Variants in SLC39A12 observed in about 807,000 individuals in gnomAD.
SLC39A12 encodes zinc transporter ZIP12.
In SLC39A12, 63 loss-of-function variants were observed where a neutral mutation model predicts 71.1. The ratio of observed to expected loss-of-function variants is 0.89; its 90% confidence interval spans 0.72 to 1.09. The LOEUF is 1.09. Among genes scored for constraint, SLC39A12 ranks in the 50% least tolerant of loss-of-function variants. The probability of loss-of-function intolerance (pLI) is 0.00; values close to 1 mark genes in which losing one functional copy is unlikely to be tolerated. For missense variants in SLC39A12, 892 were observed against 812.6 expected (o/e 1.10, Z -1.19); for synonymous variants, 351 against 301.3 (o/e 1.16, Z -1.71).
chr10:17,991,141 T>TTTTC lies in SLC39A12; in HGVS notation c.1270-10_1270-9insTTTC, dbSNP rs1554851668. ...TCTCTCTGCCTTTTTTTTTTTTTTT[T>TTTTC]CCCCTGAAGGTTCTTGGTTTACATA... On this transcript the variant is annotated splice_polypyrimidine_tract_variant and intron_variant, in intron 7 of 12. Transcript: ENST00000377369. The TTTTC allele has an allele frequency of 1.1e-5, 17 of 1,522,492 alleles. No individual in the cohort carries two copies. The highest frequency in any genetic ancestry group is 6.7e-5 in the South Asian group (5 of 74,496). The allele number at this position is 1,522,492 out of a possible 1,614,324, so 94.3% of individuals were successfully genotyped here.
chr10:17,979,592 A>G lies in SLC39A12; in HGVS notation c.924+1518A>G, dbSNP rs11011839. Among the ~76,000 whole-genome samples the G allele has an allele frequency of 2.0e-3, 308 of 152,314 alleles. 3 individuals carry two copies. Among genetic ancestry groups the G allele is most frequent in the South Asian group, 3.5e-3 (17 of 4,832 alleles). ...TCAATAACAAGTGGTGCAAAAGAGA[A>G]TCTTGTCTTTGGCATACATTATTTT... On this transcript the variant is annotated intron_variant, in intron 5 of 12. Coordinates refer to ENST00000377369, the MANE Select transcript of SLC39A12 (RefSeq NM_001145195.2).
chr10:18,002,577 C>CA (rs1159524375), intron 11 of SLC39A12: 3 of 152,122 alleles, frequency 2.0e-5, no homozygotes, highest in Non-Finnish European at 2.9e-5. Context: ...CTCAATCCCC[C>CA]AAACTAAGAA....
intron 10 of SLC39A12, among the ~76,000 whole-genome samples, chr10:17,997,481 T>C (rs12262999): frequency 0.049 from 7,525 of 152,240 alleles, 570 homozygotes; most frequent in African/African-American, 0.17. Context: ...ACATAGTAGG[T>C]CTGCAATAGA....
At chr10:18,027,511 AC>A (rs1422027205) in intron 12 of SLC39A12, among the ~76,000 whole-genome samples, 1 of 152,208 alleles carries the variant, frequency 6.6e-6, no homozygotes, top group Non-Finnish European at 1.5e-5. Flanking sequence ...GGTAAAACTC[AC>A]AAAATCTGGG....
At chr10:18,018,772 G>A (rs550313811) in intron 12 of SLC39A12, among the ~76,000 whole-genome samples, 1 of 152,068 alleles carries the variant, frequency 6.6e-6, no homozygotes, top group Non-Finnish European at 1.5e-5. Context: ...TGTTGGTTTT[G>A]ATTTGCCAAT....
chr10:17,998,184 G>T (rs948009881), intron 10 of SLC39A12, among the ~76,000 whole-genome samples: 2 of 152,078 alleles, frequency 1.3e-5, no homozygotes, highest in African/African-American at 4.8e-5. Flanking sequence ...TGGCTTACAT[G>T]CAAATGTTTA....
At chr10:18,036,002 G>T (rs527317767) in intron 12 of SLC39A12, among the ~76,000 whole-genome samples, 1 of 152,084 alleles carries the variant, frequency 6.6e-6, no homozygotes, top group Non-Finnish European at 1.5e-5. Flanking sequence ...GCAGTCTGCC[G>T]GTTCTCAGAT....
Position 17,961,590 on chromosome 10 carries a change from C to T in SLC39A12, c.271C>T (p.Pro91Ser). The change falls in exon 3 of 13, where the codon CCA (proline) becomes TCA (serine). Residue 91 changes from proline to serine, a missense_variant. Transcript: ENST00000377369. Reference protein sequence around the residue: ...MQGDCNLCFEPDALLLIAGGN... With the variant: ...MQGDCNLCFESDALLLIAGGN... ...TTGTTTTCTTCCACAGTGCTTTGAA[C>T]CAGATGCACTATTACTAATAGCTGG... is the stretch of plus-strand genomic sequence containing the variant. 1 of 1,610,384 alleles carries T rather than the reference C, an allele frequency of 6.2e-7. No homozygotes were observed. The highest frequency in any genetic ancestry group is 8.5e-7 in the Non-Finnish European group (1 of 1,179,004).
chr10:17,998,334 A>G (rs1456345418), intron 10 of SLC39A12, among the ~76,000 whole-genome samples: 1 of 152,236 alleles, frequency 6.6e-6, no homozygotes, highest in Non-Finnish European at 1.5e-5. Context: ...TTTGGAATAT[A>G]TGCTATTAAT....
In SLC39A12 at chr10:18,003,330, T is replaced by G; in HGVS notation, c.1919T>G (p.Met640Arg). Residue 640 changes from methionine (M) to arginine (R), a missense_variant, in exon 12 of 13, where the codon ATG becomes AGG. Met to Arg is a moderately conservative substitution (Grantham distance 91). Coordinates refer to ENST00000377369, the MANE Select transcript of SLC39A12 (RefSeq NM_001145195.2). ...TGGATCTTCACAGTCACTGCTGGGA[T>G]GTTCTTATATTTATCCTTGGTTGAA... ...QDWIFTVTAG[M>R]FLYLSLVEML... The G allele has an allele frequency of 1.2e-6, 2 of 1,610,310 alleles. No individual in the cohort carries two copies. The highest frequency in any genetic ancestry group is 1.7e-6 in the Non-Finnish European group (2 of 1,178,780).
intron 12 of SLC39A12, among the ~76,000 whole-genome samples, chr10:18,019,371 T>C (rs924488102): frequency 5.9e-5 from 9 of 152,040 alleles, no homozygotes; most frequent in African/African-American, 2.2e-4. Flanking sequence ...TCTGTATTGA[T>C]TAACTGATTT....
At chr10:18,029,520 G>T (rs1836777436) in intron 12 of SLC39A12, among the ~76,000 whole-genome samples, 1 of 152,164 alleles carries the variant, frequency 6.6e-6, no homozygotes, top group South Asian at 2.1e-4. Flanking sequence ...CTACTTCAAG[G>T]TTTCCAAGTT....
At chr10:17,992,616 A>C (rs1026994469) in intron 8 of SLC39A12, among the ~76,000 whole-genome samples, 19 of 152,242 alleles carry the variant, frequency 1.2e-4, no homozygotes, top group African/African-American at 4.3e-4. Flanking sequence ...TGGGAAAACT[A>C]AATTAGAAAG....
In SLC39A12 at chr10:18,027,113, G is replaced by A. The variant is rs997344316; in HGVS notation, c.1948-15592G>A. On this transcript the variant is annotated intron_variant, in intron 12 of 12. Transcript: ENST00000377369. ...CATGTTGTACTGAGTGAACAGAATT[G>A]TGCTAAATAGGCCATTAGTAATGTG... is the stretch of plus-strand genomic sequence containing the variant. Among the ~76,000 whole-genome samples, 107 of 152,198 alleles carry A rather than the reference G, an allele frequency of 7.0e-4. 1 individual carries two copies. The highest frequency in any genetic ancestry group is 1.3e-4 in the Non-Finnish European group (9 of 68,042).
chr10:17,988,559 ATTTC>A (rs746727169), intron 7 of SLC39A12, among the ~76,000 whole-genome samples: 3 of 152,100 alleles, frequency 2.0e-5, no homozygotes, highest in Admixed American at 1.3e-4. Context: ...AGCCTCAGAT[ATTTC>A]TTTATAGCAA....
intron 8 of SLC39A12, among the ~76,000 whole-genome samples, chr10:17,991,853 C>A (rs1232646309): frequency 6.6e-6 from 1 of 151,950 alleles, no homozygotes; most frequent in Non-Finnish European, 1.5e-5. Context: ...CTTTGGGAGG[C>A]CGAGGCAGGC....
At position 17,952,033 on chromosome 10, in the gene SLC39A12, C is replaced by T. The variant is rs1834412689; in HGVS notation, c.-87+8C>T. ...TTTATCTTTCTTCTGAAGGTAAGCACTGGGGTTAGAAATGCTTGCATCATC... is the reference window on the plus strand; with the variant it reads ...TTTATCTTTCTTCTGAAGGTAAGCATTGGGGTTAGAAATGCTTGCATCATC... On this transcript the variant is annotated splice_region_variant and intron_variant, in intron 1 of 12. Coordinates refer to ENST00000377369, the MANE Select transcript of SLC39A12 (RefSeq NM_001145195.2). 1 of 150,672 alleles carries T rather than the reference C, an allele frequency of 6.6e-6. No individual in the cohort carries two copies. The highest frequency in any genetic ancestry group is 6.6e-5 in the Admixed American group (1 of 15,092). 9.3% of individuals were successfully genotyped at this position (150,672 alleles called of 1,614,324 possible).
At chr10:17,988,838 C>T (rs921970676) in intron 7 of SLC39A12, among the ~76,000 whole-genome samples, 2 of 152,210 alleles carry the variant, frequency 1.3e-5, no homozygotes, top group Non-Finnish European at 1.5e-5. Flanking sequence ...ACTGGCCTTC[C>T]TCCCTTTTCC....
At chr10:17,959,348 C>G (rs1163367800) in intron 2 of SLC39A12, among the ~76,000 whole-genome samples, 1 of 151,700 alleles carries the variant, frequency 6.6e-6, no homozygotes, top group East Asian at 1.9e-4. Context: ...GTACTTGACC[C>G]CCTGCAGTTG....
Sources: allele counts gnomAD v4.1 joint callset (sites outside exome capture counted in the v4.1 genomes callset), GRCh38; gene constraint gnomAD v4.1.1; transcripts MANE v1.5; gene names NCBI Gene and HGNC (gene_info 2026-07-23, HGNC 2026-07-21).